PCDHGB3: variants seen among roughly 807,000 people sequenced by gnomAD.
The protein encoded by PCDHGB3 is protocadherin gamma-B3.
In PCDHGB3, 40 loss-of-function variants were observed where a neutral mutation model predicts 59.2. The ratio of observed to expected loss-of-function variants is 0.68; its 90% CI spans 0.52 to 0.88. The LOEUF (loss-of-function observed/expected upper bound fraction) is 0.88. Ranked by LOEUF, PCDHGB3 falls within the 40% of genes least tolerant of loss-of-function variation. PCDHGB3 has a pLI of 0.00. For synonymous variants in PCDHGB3, 581 were observed against 503.6 expected, an observed-to-expected ratio of 1.15 and a Z score of -2.06; for missense variants, 1,309 against 1,187.9, an observed-to-expected ratio of 1.10 and a Z score of -1.50.
At position 141,491,794 on chromosome 5, in the gene PCDHGB3, TC is replaced by T; in HGVS notation, c.2416-3011del. On this transcript the variant is annotated intron_variant, in intron 1 of 3. Transcript: ENST00000576222. This position sits in a 1 kb window ranked among gnomAD's most constrained non-coding sequence, Gnocchi z 6.9. ...GGGATTGAACTTGCATCCACTCCTC[TC>T]CGGCCGGCTTGGTCGCTGGCTGCGC... is the stretch of plus-strand genomic sequence containing the variant. The T allele has an allele frequency of 6.6e-7, 1 of 1,511,056 alleles. No individual in the cohort carries two copies. The highest frequency in any genetic ancestry group is 8.8e-7 in the Non-Finnish European group (1 of 1,130,146). The allele number at this position is 1,511,056 out of a possible 1,614,324, so 93.6% of individuals were successfully genotyped here.
chr5:141,464,725 A>G (rs538200804), intron 1 of PCDHGB3, among the ~76,000 whole-genome samples: 27 of 152,178 alleles, frequency 1.8e-4, no homozygotes, highest in African/African-American at 5.1e-4. Flanking sequence ...TCATATGTTT[A>G]AAAGCCAGTT....
intron 1 of PCDHGB3, among the ~76,000 whole-genome samples, chr5:141,473,759 C>G (rs989399714): frequency 3.3e-5 from 5 of 152,158 alleles, no homozygotes; most frequent in African/African-American, 1.2e-4. Flanking sequence ...GGATACTATG[C>G]AAAGGATTTG....
At chr5:141,478,862 C>T (rs1057119202) in intron 1 of PCDHGB3, 23 of 1,325,916 alleles carry the variant, frequency 1.7e-5, no homozygotes, top group Non-Finnish European at 2.2e-5. Flanking sequence ...AAGATCTCAG[C>T]GATCAGAGTT....
intron 1 of PCDHGB3, among the ~76,000 whole-genome samples, chr5:141,458,063 G>A (rs1011861177): frequency 1.3e-5 from 2 of 152,190 alleles, no homozygotes; most frequent in African/African-American, 4.8e-5. Context: ...CTGCACTGAT[G>A]CGAACAACTA....
At chr5:141,510,653 T>G (rs1388568365) in intron 3 of PCDHGB3, among the ~76,000 whole-genome samples, 1 of 152,184 alleles carries the variant, frequency 6.6e-6, no homozygotes, top group Non-Finnish European at 1.5e-5. Context: ...ATCCCCATTT[T>G]GCAGATGAGA....
intron 1 of PCDHGB3, among the ~76,000 whole-genome samples, chr5:141,470,896 T>C (rs1370454369): frequency 6.6e-6 from 1 of 151,980 alleles, no homozygotes; most frequent in Non-Finnish European, 1.5e-5. Context: ...TTTTGTTTTT[T>C]GTAGAGATGG....
chr5:141,387,763 A>T, intron 1 of PCDHGB3: 2 of 1,425,584 alleles, frequency 1.4e-6, no homozygotes, highest in South Asian at 1.5e-5. Context: ...GAAAAAGAAG[A>T]ATTTTTTCTT....
chr5:141,389,471 A>T (rs1425309295), intron 1 of PCDHGB3: 1 of 1,613,092 alleles, frequency 6.2e-7, no homozygotes, highest in Non-Finnish European at 8.5e-7. Flanking sequence ...TCGAACTCAC[A>T]CTGCAGGCCC....
intron 1 of PCDHGB3, chr5:141,385,092 C>T (rs778613931): frequency 1.9e-6 from 3 of 1,614,210 alleles, no homozygotes; most frequent in Admixed American, 3.3e-5. Context: ...CAGAAGGTGG[C>T]TTGGCGAACG....
intron 1 of PCDHGB3, chr5:141,408,653 C>T (rs1589679123): frequency 6.2e-7 from 1 of 1,613,982 alleles, no homozygotes; most frequent in African/African-American, 1.3e-5. Context: ...CGCTGGTACA[C>T]GACTATCGCT....
intron 1 of PCDHGB3, chr5:141,440,995 C>G (rs1425894086): frequency 6.6e-6 from 1 of 152,154 alleles, no homozygotes; most frequent in Non-Finnish European, 1.5e-5. Context: ...GTACCCATAT[C>G]TAGTTTGGCC....
In PCDHGB3 at chr5:141,431,357, C is replaced by G. The variant is rs762220618; in HGVS notation, c.2415+58548C>G. 1.9e-5 allele frequency: 31 copies of G among 1,613,926 alleles called. No homozygotes were observed. Among genetic ancestry groups the G allele is most frequent in the Non-Finnish European group, 2.2e-5 (26 of 1,180,046 alleles). On this transcript the variant is annotated intron_variant, in intron 1 of 3. Coordinates refer to ENST00000576222, the MANE Select transcript of PCDHGB3 (RefSeq NM_018924.5). The surrounding 1 kb of genome is among the most constrained non-coding windows in gnomAD (Gnocchi z 4.8). ...CCCCGAATTGGTGCTGAAACGCGCC[C>G]TGGACCGCGAAGAAAAGGCTGCTCA...
chr5:141,430,433 T>C (rs1371764261), intron 1 of PCDHGB3, among the ~76,000 whole-genome samples: 2 of 151,080 alleles, frequency 1.3e-5, no homozygotes, highest in Admixed American at 6.6e-5. Context: ...ATACGGTAGA[T>C]TTCCATCCCC....
intron 1 of PCDHGB3, among the ~76,000 whole-genome samples, chr5:141,425,305 AC>A (rs1239206853): frequency 1.3e-5 from 2 of 152,202 alleles, no homozygotes; most frequent in Non-Finnish European, 2.9e-5. Flanking sequence ...ATCTAAACTA[AC>A]TTCCCAAGAT....
Position 141,432,593 on chromosome 5 carries a change from A to G in PCDHGB3, c.2415+59784A>G, listed in dbSNP as rs2097518945. ...GCTGTCCTACCGTCTGCTCAAGGCC[A>G]GCGAGCCGGGACTCTTCTCGGTGGG... On this transcript the variant is annotated intron_variant, in intron 1 of 3. Transcript: ENST00000576222. The surrounding 1 kb of genome is among the most constrained non-coding windows in gnomAD (Gnocchi z 6.0). 6.2e-7 allele frequency: 1 copy of G among 1,612,958 alleles called. No individual in the cohort carries two copies. Among genetic ancestry groups the G allele is most frequent in the Non-Finnish European group, 8.5e-7 (1 of 1,179,834 alleles).
At chr5:141,387,791 A>T in intron 1 of PCDHGB3, 1 of 1,492,120 alleles carries the variant, frequency 6.7e-7, no homozygotes, top group Non-Finnish European at 8.9e-7. Context: ...AACTGCAACT[A>T]AAGTCCGTTC....
chr5:141,477,260 G>A lies in PCDHGB3; in HGVS notation c.2416-17547G>A. On this transcript the variant is annotated intron_variant, in intron 1 of 3. Coordinates refer to ENST00000576222, the MANE Select transcript of PCDHGB3 (RefSeq NM_018924.5). This position sits in a 1 kb window ranked among gnomAD's most constrained non-coding sequence, Gnocchi z 4.9. ...GCTCAGTGTGACTGACCTGGATGCTGGCGAGAACGGGCTGGTGACCTGCGA... is the reference window on the plus strand; with the variant it reads ...GCTCAGTGTGACTGACCTGGATGCTAGCGAGAACGGGCTGGTGACCTGCGA... 6.2e-7 allele frequency: 1 copy of A among 1,614,200 alleles called. No homozygotes were observed. Among genetic ancestry groups the A allele is most frequent in the Non-Finnish European group, 8.5e-7 (1 of 1,180,048 alleles).
intron 1 of PCDHGB3, among the ~76,000 whole-genome samples, chr5:141,481,193 A>G (rs749746998): frequency 1.3e-5 from 2 of 152,216 alleles, no homozygotes; most frequent in Admixed American, 6.5e-5. Context: ...GCCAGGCCCA[A>G]TTTTTTTAAA....
chr5:141,466,518 T>C (rs1430823209), intron 1 of PCDHGB3, among the ~76,000 whole-genome samples: 2 of 152,222 alleles, frequency 1.3e-5, no homozygotes, highest in Admixed American at 6.5e-5. Flanking sequence ...TCATTTTTTT[T>C]CCTCCCAAAT....
Sources: allele counts gnomAD v4.1 joint callset (sites outside exome capture counted in the v4.1 genomes callset), GRCh38; gene constraint gnomAD v4.1.1; non-coding constraint Gnocchi (gnomAD v3.1); transcripts MANE v1.5; gene names NCBI Gene and HGNC (gene_info 2026-07-23, HGNC 2026-07-21).